ZNF844: variants seen among roughly 807,000 people sequenced by gnomAD.
ZNF844 encodes the protein zinc finger protein 844.
ZNF844 carries 11 observed loss-of-function variants against 11.4 expected under a neutral mutation model. The ratio of observed to expected loss-of-function variants is 0.97; its 90% CI spans 0.61 to 1.60. The LOEUF (loss-of-function observed/expected upper bound fraction) is 1.60, where lower values mean the gene tolerates loss of function less well. Among genes scored for constraint, ZNF844 ranks in the 40% most tolerant of loss-of-function variants. The pLI, the probability that ZNF844 is intolerant of heterozygous loss-of-function variation, is 0.00. For synonymous variants in ZNF844, 248 were observed against 260.3 expected (o/e 0.95, Z 0.46); for missense variants, 790 against 796.8 (o/e 0.99, Z 0.10).
Position 12,080,413 on chromosome 19 carries a change from G to A in ZNF844, c.*3292G>A, listed in dbSNP as rs1475138916. The stretch of plus-strand genomic sequence containing the variant: ...AAATTTAGAAATGGAGTTGGAGGAT[G>A]TCATAATACAATTCACCAGTGTCCT... On this transcript the variant is annotated 3_prime_UTR_variant, in exon 4 of 4. Coordinates refer to ENST00000439326, the MANE Select transcript of ZNF844 (RefSeq NM_001136501.3). 5.3e-6 allele frequency: 2 copies of A among 377,318 alleles called. No individual in the cohort carries two copies. Among genetic ancestry groups the A allele is most frequent in the Admixed American group, 3.7e-5 (1 of 26,876 alleles). The allele number at this position is 377,318 out of a possible 1,614,324, so 23.4% of individuals were successfully genotyped here.
intron 1 of ZNF844, among the ~76,000 whole-genome samples, chr19:12,067,963 G>GGAAGGAAGGAAGGAAA (rs1975711064): frequency 7.1e-6 from 1 of 141,642 alleles, no homozygotes; most frequent in African/African-American, 2.8e-5. Context: ...AAGGAAAGAA[G>GGAAGGAAGGAAGGAAA]GAAGGAAGGA....
At chr19:12,072,280 T>C (rs141241237) in intron 1 of ZNF844, among the ~76,000 whole-genome samples, 1 of 152,368 alleles carries the variant, frequency 6.6e-6, no homozygotes, top group Non-Finnish European at 1.5e-5. Flanking sequence ...ATACCACGTT[T>C]TCTTTATCCA....
intron 1 of ZNF844, among the ~76,000 whole-genome samples, chr19:12,066,615 C>CA (rs1242699354): frequency 7.0e-6 from 1 of 143,230 alleles, no homozygotes; most frequent in African/African-American, 2.6e-5. Context: ...GACGCGATCT[C>CA]GGCTCACTGC....
At chr19:12,074,611 CTGTT>C (rs1975786877) in intron 3 of ZNF844, among the ~76,000 whole-genome samples, 190 bp downstream of exon 3, 1 of 152,170 alleles carries the variant, frequency 6.6e-6, no homozygotes, top group African/African-American at 2.4e-5. Context: ...GTAATTTCAA[CTGTT>C]TGGGAGTTGG....
At chr19:12,069,403 C>CA (rs1036407025) in intron 1 of ZNF844, among the ~76,000 whole-genome samples, 8 of 151,226 alleles carry the variant, frequency 5.3e-5, no homozygotes, top group African/African-American at 1.7e-4. Flanking sequence ...AGGCTGGTCT[C>CA]AAACTCCTGA....
intron 1 of ZNF844, among the ~76,000 whole-genome samples, chr19:12,066,530 C>CTTTTTTTTTTTTTTTT (rs80186949): frequency 6.3e-4 from 58 of 92,304 alleles, no homozygotes; most frequent in Non-Finnish European, 7.3e-4. Context: ...TAAATGTCTT[C>CTTTTTTTTTTTTTTTT]TTTTTTTTTT....
Position 12,064,882 on chromosome 19 carries a change from T to C in ZNF844, c.3+6T>C, listed in dbSNP as rs1407883251. The C allele has an allele frequency of 6.5e-7, 1 of 1,548,878 alleles. No individual in the cohort carries two copies. The highest frequency in any genetic ancestry group is 1.2e-5 in the South Asian group (1 of 83,896). ...CACCTGAAAGCCAGGAAATGGTGAG[T>C]GTGAGCCCCCGCTGGGAGTCCCGAG... On this transcript the variant is annotated splice_donor_region_variant and intron_variant, in intron 1 of 3. Coordinates refer to ENST00000439326, the MANE Select transcript of ZNF844 (RefSeq NM_001136501.3).
chr19:12,067,336 G>A (rs1975700495), intron 1 of ZNF844, among the ~76,000 whole-genome samples: 1 of 152,078 alleles, frequency 6.6e-6, no homozygotes, highest in South Asian at 2.1e-4. Context: ...ATTAGGCCGG[G>A]TGCAGTGGCT....
chr19:12,075,996 G>A lies in ZNF844; in HGVS notation c.876G>A (p.Trp292Ter), dbSNP rs937152680. 6 of 1,581,146 alleles carry A rather than the reference G, an allele frequency of 3.8e-6. No individual in the cohort carries two copies. The highest frequency in any genetic ancestry group is 1.4e-5 in the African/African-American group (1 of 73,148). ...AACAATGTGGAAAAGCCTTCAGATGGTTCCATTCCTTTCAAATACATGAAA... is the reference window on the plus strand; with the variant it reads ...AACAATGTGGAAAAGCCTTCAGATGATTCCATTCCTTTCAAATACATGAAA... ...ECKQCGKAFR[W>*]FHSFQIHERT... The change falls in exon 4 of 4, where the codon TGG becomes TGA. Residue 292 changes from tryptophan to a stop codon, truncating the protein, a stop_gained. Transcript: ENST00000439326. LOFTEE classifies it low-confidence loss of function (END_TRUNC).
At chr19:12,073,320 C>T (rs1975771684) in intron 1 of ZNF844, among the ~76,000 whole-genome samples, 1 of 152,038 alleles carries the variant, frequency 6.6e-6, no homozygotes, top group Admixed American at 6.6e-5. Flanking sequence ...CCACCACGCC[C>T]AGCTAATTTT....
Position 12,077,889 on chromosome 19 carries a change from C to T in ZNF844, c.*768C>T, listed in dbSNP as rs1016636786. 5.5e-5 allele frequency: 14 copies of T among 252,512 alleles called. No individual in the cohort carries two copies. Among genetic ancestry groups the T allele is most frequent in the Admixed American group, 1.0e-4 (2 of 20,100 alleles). 15.6% of individuals were successfully genotyped at this position (252,512 alleles called of 1,614,324 possible). A position where few individuals can be genotyped will look rare whatever the true frequency, so the allele number is the denominator to read the frequency against. On this transcript the variant is annotated 3_prime_UTR_variant, in exon 4 of 4. Coordinates refer to ENST00000439326, the MANE Select transcript of ZNF844 (RefSeq NM_001136501.3). ...TGTCACCCAGGCTGGAGTGCAGTGG[C>T]GTGATCTCAGCTCACTGCAAGCTCC...
rs1975811613 is a variant in ZNF844 at position 12,076,102 on chromosome 19, G to T, written c.982G>T (p.Glu328Ter). The change falls in exon 4 of 4, where the codon GAA becomes TAA. Residue 328 changes from glutamate (E) to a stop codon, truncating the protein, a stop_gained. Coordinates refer to ENST00000439326, the MANE Select transcript of ZNF844 (RefSeq NM_001136501.3). LOFTEE classifies it low-confidence loss of function (END_TRUNC). ...GTGTCCCAGTTATCTTTGTAGACAT[G>T]AAGTGACCCACTCTGGGAAAAAGCC... The part of the protein sequence containing the change: ...FKCPSYLCRH[E>*]VTHSGKKPCE... The T allele has an allele frequency of 1.3e-6, 2 of 1,567,666 alleles. No homozygotes were observed. The highest frequency in any genetic ancestry group is 3.8e-5 in the Admixed American group (2 of 52,672).
chr19:12,076,500 T>A lies in ZNF844; in HGVS notation c.1380T>A (p.Pro460=). ...VSNVGKPSDL[P]HTFKCMEGLT... ...ATGTGGGAAAGCCTTCAGATCTGCCTCACACCTTCAAATGCATGGAAGGAC... is the reference window on the plus strand; with the variant it reads ...ATGTGGGAAAGCCTTCAGATCTGCCACACACCTTCAAATGCATGGAAGGAC... The change falls in exon 4 of 4, where the codon CCT becomes CCA. Residue 460 remains proline (P), a synonymous_variant. Coordinates refer to ENST00000439326, the MANE Select transcript of ZNF844 (RefSeq NM_001136501.3). The A allele has an allele frequency of 1.2e-6, 2 of 1,607,540 alleles. No individual in the cohort carries two copies.
At chr19:12,072,765 A>G (rs955132697) in intron 1 of ZNF844, among the ~76,000 whole-genome samples, 19 of 151,880 alleles carry the variant, frequency 1.3e-4, no homozygotes, top group African/African-American at 4.6e-4. Context: ...TTGTATTTTT[A>G]GTAGAGACAG....
chr19:12,074,162 G>A lies in ZNF844; in HGVS notation c.130+5G>A, dbSNP rs775433383. 97 of 1,613,208 alleles carry A rather than the reference G, an allele frequency of 6.0e-5. No homozygotes were observed. The highest frequency in any genetic ancestry group is 7.5e-5 in the Non-Finnish European group (89 of 1,179,598). ...TGAGGAATCTGGCCTCCATAGGTAA[G>A]AATGACAGTATTACGTCCCCCAGTG... is the stretch of plus-strand genomic sequence containing the variant. On this transcript the variant is annotated splice_donor_5th_base_variant and intron_variant, in intron 2 of 3. Transcript: ENST00000439326.
rs552020955 is a variant in ZNF844 at position 12,076,892 on chromosome 19, T to C, written c.1772T>C (p.Val591Ala). ...AGAATGCCTATGAATGTAAAGAGTG[T>C]GACAAAGCATTCATATCTGCCAAGA... is the stretch of plus-strand genomic sequence containing the variant. ...EDRMPMNVKS[V>A]TKHSYLPRSF... The change falls in exon 4 of 4, where the codon GTG (valine) becomes GCG (alanine). Residue 591 changes from valine to alanine, a missense_variant. Val to Ala is a moderately conservative substitution (Grantham distance 64, BLOSUM62 0). Coordinates refer to ENST00000439326, the MANE Select transcript of ZNF844 (RefSeq NM_001136501.3). 6.4e-7 allele frequency: 1 copy of C among 1,574,774 alleles called. No individual in the cohort carries two copies. Among genetic ancestry groups the C allele is most frequent in the South Asian group, 1.2e-5 (1 of 86,528 alleles).
At chr19:12,066,111 A>C (rs1271904246) in intron 1 of ZNF844, among the ~76,000 whole-genome samples, 4 of 151,840 alleles carry the variant, frequency 2.6e-5, no homozygotes, top group Non-Finnish European at 4.4e-5. Context: ...TTTTTGGTAG[A>C]GATGGGGTTT....
chr19:12,064,809 C>A lies in ZNF844; in HGVS notation c.-65C>A. The stretch of plus-strand genomic sequence containing the variant: ...AGAGGGACCGGTTGCCACCGCCATA[C>A]TTCTGTCGCCCTGTCGTCTGTGTTG... On this transcript the variant is annotated 5_prime_UTR_variant, in exon 1 of 4. Transcript: ENST00000439326. 1 of 1,539,196 alleles carries A rather than the reference C, an allele frequency of 6.5e-7. No homozygotes were observed. The highest frequency in any genetic ancestry group is 2.6e-5 in the East Asian group (1 of 38,890).
rs759081385 is a variant in ZNF844, at chr19:12,076,615, C to A, written c.1495C>A (p.Leu499Met). ...TTTCGATATCATGAAAGGACTCACACTGGAGAGAAACCCTATGAGTGTAAG... is the reference window on the plus strand; with the variant it reads ...TTTCGATATCATGAAAGGACTCACAATGGAGAGAAACCCTATGAGTGTAAG... ...LPFDIMKGLT[L>M]ERNPMSVSNV... is the part of the protein sequence containing the mutation. Residue 499 changes from leucine to methionine, a missense_variant, in exon 4 of 4, where the codon CTG (leucine) becomes ATG (methionine). Leu to Met is a conservative substitution (Grantham distance 15, BLOSUM62 2). Coordinates refer to ENST00000439326, the MANE Select transcript of ZNF844 (RefSeq NM_001136501.3). The A allele has an allele frequency of 1.2e-6, 2 of 1,613,206 alleles. No homozygotes were observed. Among genetic ancestry groups the A allele is most frequent in the Non-Finnish European group, 1.7e-6 (2 of 1,179,658 alleles).
Sources: allele counts gnomAD v4.1 joint callset (sites outside exome capture counted in the v4.1 genomes callset), GRCh38; gene constraint gnomAD v4.1.1; transcripts MANE v1.5; gene names NCBI Gene and HGNC (gene_info 2026-07-23, HGNC 2026-07-21).